The following KCNIP1 variants were observed in gnomAD, a reference collection of about 807,000 sequenced individuals.
The protein encoded by KCNIP1 is potassium voltage-gated channel interacting protein 1, also known as A-type potassium channel modulatory protein KCNIP1.
A neutral mutation model predicts 33.0 loss-of-function variants in KCNIP1; 18 were observed. The ratio of observed to expected loss-of-function variants is 0.55; its 90% CI spans 0.38 to 0.81. The LOEUF (loss-of-function observed/expected upper bound fraction) is 0.81. KCNIP1 is among the 30% of genes least tolerant of loss of function. KCNIP1 has a pLI of 0.00. For synonymous variants in KCNIP1, 93 were observed against 98.3 expected, an observed-to-expected ratio of 0.95 and a Z score of 0.32; for missense variants, 238 against 271.6, an observed-to-expected ratio of 0.88 and a Z score of 0.87.
intron 1 of KCNIP1, among the ~76,000 whole-genome samples, chr5:170,398,094 G>A (rs34642809): frequency 0.05 from 7,575 of 152,206 alleles, 222 homozygotes; most frequent in South Asian, 0.12. Flanking sequence ...TTGTGTTGAC[G>A]TTAAATGCTG....
At chr5:170,435,453 A>AC (rs1459287427) in intron 1 of KCNIP1, among the ~76,000 whole-genome samples, 2 of 151,830 alleles carry the variant, frequency 1.3e-5, no homozygotes, top group Non-Finnish European at 2.9e-5. Flanking sequence ...CACCCCCAAC[A>AC]CCCCCGAGTT....
chr5:170,680,176 C>T (rs902707073), intron 1 of KCNIP1, among the ~76,000 whole-genome samples: 2 of 152,164 alleles, frequency 1.3e-5, no homozygotes, highest in Non-Finnish European at 2.9e-5. Flanking sequence ...AACTGGGCCT[C>T]ATGGAGATCT....
chr5:170,444,227 G>A (rs540763110), intron 1 of KCNIP1, among the ~76,000 whole-genome samples: 3 of 152,220 alleles, frequency 2.0e-5, no homozygotes, highest in East Asian at 1.9e-4. Context: ...GCAGAGCTGC[G>A]TTCCTTCTGG....
At chr5:170,427,866 C>G (rs1158692520) in intron 1 of KCNIP1, among the ~76,000 whole-genome samples, 2 of 152,240 alleles carry the variant, frequency 1.3e-5, no homozygotes, top group African/African-American at 2.4e-5. Context: ...ACCCCCAACT[C>G]CAGAGCTGGC....
chr5:170,414,471 A>T (rs937662435), intron 1 of KCNIP1, among the ~76,000 whole-genome samples: 5 of 152,184 alleles, frequency 3.3e-5, no homozygotes, highest in Non-Finnish European at 5.9e-5. Context: ...CTGAGCTATA[A>T]CCAACCCAGC....
Position 170,504,691 on chromosome 5 carries a change from G to A in KCNIP1, c.61+58G>A. The stretch of plus-strand genomic sequence containing the variant: ...TGGGCTTGGGGGTGCTAGGCGCCGA[G>A]GTGGGCTGTGCCACCTGCCTCCCTT... On this transcript the variant is annotated intron_variant, in intron 1 of 7. Transcript: ENST00000328939. The surrounding 1 kb of genome is among the most constrained non-coding windows in gnomAD (Gnocchi z 6.0). The A allele has an allele frequency of 6.9e-7, 1 of 1,447,070 alleles. No individual in the cohort carries two copies. Among genetic ancestry groups the A allele is most frequent in the Non-Finnish European group, 9.7e-7 (1 of 1,029,000 alleles). The allele number at this position is 1,447,070 out of a possible 1,614,324, so 89.6% of individuals were successfully genotyped here. A position where few individuals can be genotyped will look rare whatever the true frequency, so the allele number is the denominator to read the frequency against.
chr5:170,594,568 T>A (rs1036500718), intron 1 of KCNIP1, among the ~76,000 whole-genome samples: 69 of 152,144 alleles, frequency 4.5e-4, no homozygotes, highest in African/African-American at 1.6e-3. Flanking sequence ...TGGAGTGCAG[T>A]GGCACAGTCT....
intron 1 of KCNIP1, among the ~76,000 whole-genome samples, chr5:170,712,136 A>G (rs1763470182): frequency 6.6e-6 from 1 of 152,208 alleles, no homozygotes; most frequent in African/African-American, 2.4e-5. Flanking sequence ...TGTGCCATGG[A>G]TAATTTTCCA....
chr5:170,439,729 A>T (rs1390209353), intron 1 of KCNIP1, among the ~76,000 whole-genome samples: 2 of 152,252 alleles, frequency 1.3e-5, no homozygotes, highest in African/African-American at 4.8e-5. Flanking sequence ...TAAGGCTTCC[A>T]GCAACATTCC....
intron 1 of KCNIP1, among the ~76,000 whole-genome samples, chr5:170,418,718 A>G (rs754771349): frequency 2.0e-5 from 3 of 152,156 alleles, no homozygotes; most frequent in Non-Finnish European, 4.4e-5. Context: ...AAACTGATCC[A>G]TTGTACCTAC....
chr5:170,566,615 G>A (rs946813456), intron 1 of KCNIP1, among the ~76,000 whole-genome samples: 3 of 152,146 alleles, frequency 2.0e-5, no homozygotes, highest in South Asian at 2.1e-4. Context: ...AGGAGACCTC[G>A]TAGTCTACAT....
At chr5:170,578,006 C>T (rs1757662706) in intron 1 of KCNIP1, among the ~76,000 whole-genome samples, 2 of 152,328 alleles carry the variant, frequency 1.3e-5, no homozygotes, top group East Asian at 1.9e-4. Context: ...CTGACTACCA[C>T]TTTAGGATAG....
intron 1 of KCNIP1, among the ~76,000 whole-genome samples, chr5:170,401,511 C>G (rs1326506425): frequency 1.3e-5 from 2 of 152,144 alleles, no homozygotes; most frequent in East Asian, 3.9e-4. Context: ...TGTCTATAAT[C>G]CCAGCAGTTT....
intron 1 of KCNIP1, among the ~76,000 whole-genome samples, chr5:170,592,870 AT>A (rs1250434445): frequency 5.3e-5 from 8 of 152,288 alleles, no homozygotes; most frequent in South Asian, 4.1e-4. Context: ...TAACACTGCC[AT>A]GCTTATAAGC....
intron 1 of KCNIP1, among the ~76,000 whole-genome samples, chr5:170,707,788 T>TG (rs1763310735): frequency 7.0e-6 from 1 of 143,782 alleles, no homozygotes; most frequent in Non-Finnish European, 1.5e-5. Context: ...CACTCAAAGG[T>TG]TTTTTTTTTT....
At chr5:170,509,136 T>G (rs1754831400) in intron 1 of KCNIP1, among the ~76,000 whole-genome samples, 1 of 152,232 alleles carries the variant, frequency 6.6e-6, no homozygotes. Context: ...ACCAGCCCTC[T>G]GCCAGGAATG....
intron 1 of KCNIP1, among the ~76,000 whole-genome samples, chr5:170,356,717 C>A (rs545562351): frequency 6.6e-6 from 1 of 152,324 alleles, no homozygotes; most frequent in Admixed American, 6.5e-5. Flanking sequence ...GCCAGAGCTA[C>A]TAGCATGGGG....
intron 1 of KCNIP1, among the ~76,000 whole-genome samples, chr5:170,512,877 G>A (rs1300037291): frequency 2.6e-5 from 4 of 152,056 alleles, no homozygotes; most frequent in East Asian, 1.9e-4. Flanking sequence ...GTGAAACCCC[G>A]TCTCTACTAA....
intron 1 of KCNIP1, among the ~76,000 whole-genome samples, chr5:170,665,443 G>T (rs533147426): frequency 6.6e-6 from 1 of 152,210 alleles, no homozygotes; most frequent in East Asian, 1.9e-4. Context: ...CTCCTGCCAT[G>T]CTCTGTTCCT....
Sources: gnomAD v4.1 joint callset for allele counts (sites outside exome capture counted in the v4.1 genomes callset) on GRCh38, gnomAD v4.1.1 for gene constraint, Gnocchi (gnomAD v3.1) non-coding constraint, MANE v1.5 for transcripts, NCBI Gene and HGNC (gene_info 2026-07-23, HGNC 2026-07-21) for gene names.